The following MIIP variants were observed in gnomAD, a reference collection of about 807,000 sequenced individuals.
MIIP encodes migration and invasion-inhibitory protein.
Under a neutral mutation model 44.8 loss-of-function variants are expected in MIIP, and 44 were observed. The ratio of observed to expected loss-of-function variants is 0.98; its 90% confidence interval spans 0.77 to 1.26. The LOEUF is 1.26. Among genes scored for constraint, MIIP ranks in the 50% most tolerant of loss-of-function variants. The probability of loss-of-function intolerance (pLI) is 0.00; values close to 1 mark genes in which losing one functional copy is unlikely to be tolerated. For synonymous variants in MIIP, 225 were observed against 218.3 expected (o/e 1.03, Z -0.27); for missense variants, 496 against 511.7 (o/e 0.97, Z 0.30).
chr1:12,025,794 T>C (rs1640093385), intron 4 of MIIP, among the ~76,000 whole-genome samples: 1 of 152,094 alleles, frequency 6.6e-6, no homozygotes, highest in Admixed American at 6.5e-5. Context: ...TCCGCTTCCT[T>C]GGTTCAAGCA....
rs1449398689 is a variant in MIIP, at chr1:12,021,337, T to G, written c.-82-308T>G. ...TGAACCCGGGAGGCGGAGCTTGCAG[T>G]GAGCCGAGATTGCGCCACTGCACTC... On this transcript the variant is annotated intron_variant, in intron 1 of 9. Transcript: ENST00000235332. 2.9e-4 allele frequency among the ~76,000 whole-genome samples: 43 copies of G among 148,808 alleles called. 1 individual carries two copies.
At position 12,022,028 on chromosome 1, in the gene MIIP, G is replaced by T. The variant is rs1319341581; in HGVS notation, c.115-67G>T. The stretch of plus-strand genomic sequence containing the variant: ...GCAGGATGAGGATGCTTGCCTTGGT[G>T]CCTGGCGTAGGCCCGGTGGGTAGGT... On this transcript the variant is annotated intron_variant, in intron 2 of 9. Transcript: ENST00000235332. The T allele has an allele frequency of 2.6e-6, 4 of 1,528,002 alleles. No individual in the cohort carries two copies. The East Asian group carries it at 6.7e-5, about 26-fold the overall frequency. 94.7% of individuals were successfully genotyped at this position (1,528,002 alleles called of 1,614,324 possible).
Position 12,031,805 on chromosome 1 carries a change from C to T in MIIP, c.1164C>T (p.Pro388=). The part of the protein sequence containing the change: ...VPRPHVPRQK[P] ...GGCCCCACGTCCCACGGCAGAAGCC[C>T]TGAGGACTGACTCCTGGGGGAGAAC... The change falls in exon 10 of 10, where the codon CCC becomes CCT. Residue 388 remains proline, a synonymous_variant. Transcript: ENST00000235332. 1 of 1,613,612 alleles carries T rather than the reference C, an allele frequency of 6.2e-7. No homozygotes were observed. Among genetic ancestry groups the T allele is most frequent in the Non-Finnish European group, 8.5e-7 (1 of 1,179,742 alleles).
chr1:12,029,780 G>A lies in MIIP; in HGVS notation c.731G>A (p.Arg244His), dbSNP rs146566756. 152 of 1,613,164 alleles carry A rather than the reference G, an allele frequency of 9.4e-5. 1 individual carries two copies. The East Asian group carries it at 3.2e-3, about 34-fold the overall frequency. ...GGCCTCGCAGGCGTGTACTGTTACC[G>A]TGTCAACCGGCGCCTGTTCCCGGTG... Reference protein sequence around the residue: ...EEDHECVYCYRVNRRLFPVPV... With the variant: ...EEDHECVYCYHVNRRLFPVPV... Residue 244 changes from arginine (R) to histidine (H), a missense_variant, in exon 7 of 10, where the codon CGT becomes CAT. Arg to His is a conservative substitution (Grantham distance 29). Coordinates refer to ENST00000235332, the MANE Select transcript of MIIP (RefSeq NM_021933.4).
At chr1:12,021,384 A>G (rs994303632) in intron 1 of MIIP, among the ~76,000 whole-genome samples, 1 of 148,862 alleles carries the variant, frequency 6.7e-6, no homozygotes, top group African/African-American at 2.5e-5. Context: ...ACAGAGCAAG[A>G]CTCCATCTCA....
At chr1:12,020,917 C>T (rs1329990665) in intron 1 of MIIP, among the ~76,000 whole-genome samples, 1 of 151,752 alleles carries the variant, frequency 6.6e-6, no homozygotes, top group Non-Finnish European at 1.5e-5. Flanking sequence ...AACTCCTGAC[C>T]TCAGGTGATC....
In MIIP at chr1:12,031,735, A is replaced by G; in HGVS notation, c.1094A>G (p.Gln365Arg). The change falls in exon 10 of 10, where the codon CAG becomes CGG. Residue 365 changes from glutamine to arginine, a missense_variant. By Grantham distance (43) the Gln-to-Arg change is conservative. Coordinates refer to ENST00000235332, the MANE Select transcript of MIIP (RefSeq NM_021933.4). The part of the protein sequence containing the change: ...SSPFHPASPM[Q>R]MLPPTPTWSV... The stretch of plus-strand genomic sequence containing the variant: ...TTCCCCATCCAGGCCTCACCAATGC[A>G]GATGCTGCCCCCGACCCCGACCTGG... 6.2e-7 allele frequency: 1 copy of G among 1,614,022 alleles called. No individual in the cohort carries two copies. Among genetic ancestry groups the G allele is most frequent in the Non-Finnish European group, 8.5e-7 (1 of 1,179,970 alleles).
chr1:12,028,281 T>C (rs1215342085), intron 4 of MIIP, among the ~76,000 whole-genome samples: 1 of 152,174 alleles, frequency 6.6e-6, no homozygotes, highest in African/African-American at 2.4e-5. Context: ...CCCAGCTGAA[T>C]CCTAACCGAT....
At position 12,030,018 on chromosome 1, in the gene MIIP, C is replaced by A. The variant is rs749119260; in HGVS notation, c.846-10C>A. 3.1e-6 allele frequency: 5 copies of A among 1,612,964 alleles called. No homozygotes were observed. The South Asian group carries it at 3.3e-5, about 11-fold the overall frequency. ...GCTCCTCAGGGGTCCCCCACTGCCC[C>A]CCTGCGCAGGGTGAGCATCCCGCTG... On this transcript the variant is annotated splice_polypyrimidine_tract_variant and intron_variant, in intron 7 of 9. Coordinates refer to ENST00000235332, the MANE Select transcript of MIIP (RefSeq NM_021933.4).
At chr1:12,025,313 G>A (rs1640084451) in intron 4 of MIIP, among the ~76,000 whole-genome samples, 1 of 151,986 alleles carries the variant, frequency 6.6e-6, no homozygotes, top group Non-Finnish European at 1.5e-5. Flanking sequence ...TCCTGCCTCG[G>A]CCTCCCAAAG....
chr1:12,029,940 C>T, intron 7 of MIIP, 46 bp downstream of exon 7: 1 of 1,609,996 alleles, frequency 6.2e-7, no homozygotes, highest in Non-Finnish European at 8.5e-7. Flanking sequence ...AGAGCCTGAA[C>T]CACTGGTTTT....
Position 12,031,845 on chromosome 1 carries a change from C to T in MIIP, c.*37C>T, listed in dbSNP as rs1296021284. ...TGGGGGAGAACAGCATTCCCGCCGCCTCCAGCCTCTCCCCTCTGGCAGGCG... is the reference window on the plus strand; with the variant it reads ...TGGGGGAGAACAGCATTCCCGCCGCTTCCAGCCTCTCCCCTCTGGCAGGCG... On this transcript the variant is annotated 3_prime_UTR_variant, in exon 10 of 10. Transcript: ENST00000235332. The T allele has an allele frequency of 1.3e-6, 2 of 1,585,134 alleles. No homozygotes were observed. Among genetic ancestry groups the T allele is most frequent in the South Asian group, 1.1e-5 (1 of 89,956 alleles).
intron 4 of MIIP, 122 bp from the exon 5 acceptor site, chr1:12,028,911 G>A: frequency 1.3e-6 from 1 of 752,880 alleles, no homozygotes; most frequent in Non-Finnish European, 2.3e-6. Context: ...TTGAGGCACA[G>A]TAGGGATGAA....
intron 2 of MIIP, 53 bp downstream of exon 2, chr1:12,021,893 C>T: frequency 6.9e-7 from 1 of 1,449,136 alleles, no homozygotes. Context: ...ACCTTCAGGC[C>T]AGCATCCAGG....
chr1:12,020,673 G>A (rs1261243148), intron 1 of MIIP, among the ~76,000 whole-genome samples: 10 of 152,040 alleles, frequency 6.6e-5, no homozygotes, highest in Non-Finnish European at 1.5e-4. Flanking sequence ...ACCACACCCG[G>A]CTAATTGTTT....
chr1:12,022,412 C>T lies in MIIP; in HGVS notation c.432C>T (p.Ser144=). Reference sequence around the variant, plus strand: ...CCCAGGAGGCACAGACCCCGAGGTCCATCCTGGCTCAACAGAGCAAGCTGT... The same window carrying T: ...CCCAGGAGGCACAGACCCCGAGGTCTATCCTGGCTCAACAGAGCAAGCTGT... The part of the protein sequence containing the change: ...PGPQEAQTPR[S]ILAQQSKLSK... Residue 144 remains serine, a synonymous_variant, in exon 3 of 10, where the codon TCC becomes TCT. Transcript: ENST00000235332. 1 of 1,591,522 alleles carries T rather than the reference C, an allele frequency of 6.3e-7. No homozygotes were observed. The highest frequency in any genetic ancestry group is 8.6e-7 in the Non-Finnish European group (1 of 1,169,550).
intron 5 of MIIP, 37 bp from the exon 6 acceptor site, chr1:12,029,186 C>G: frequency 1.2e-6 from 2 of 1,613,452 alleles, no homozygotes; most frequent in Non-Finnish European, 1.7e-6. Flanking sequence ...CTGAGCGGCT[C>G]CATCCCCCGG....
At chr1:12,029,575 G>C (rs1640183670) in intron 6 of MIIP, 190 bp from the exon 7 acceptor site, 1 of 808,482 alleles carries the variant, frequency 1.2e-6, no homozygotes, top group Non-Finnish European at 1.9e-6. Flanking sequence ...GCCCCAGGAG[G>C]ATGTCCCTCC....
intron 1 of MIIP, among the ~76,000 whole-genome samples, 180 bp from the exon 2 acceptor site, chr1:12,021,465 C>T (rs1340045591): frequency 1.3e-5 from 2 of 152,118 alleles, no homozygotes; most frequent in East Asian, 3.9e-4. Context: ...AACATGCTTT[C>T]TTTAATTCTA....
Sources: gnomAD v4.1 joint callset for allele counts (sites outside exome capture counted in the v4.1 genomes callset) on GRCh38, gnomAD v4.1.1 for gene constraint, MANE v1.5 for transcripts, NCBI Gene and HGNC (gene_info 2026-07-23, HGNC 2026-07-21) for gene names.